NBEA: variants seen among roughly 807,000 people sequenced by gnomAD.
The protein encoded by NBEA is lysosomal-trafficking regulator 2.
In NBEA, 44 loss-of-function variants were observed where a neutral mutation model predicts 343.4. The observed-to-expected ratio is 0.13, with a 90% confidence interval of 0.10 to 0.16. NBEA has a LOEUF of 0.16. NBEA is among the 10% of genes least tolerant of loss of function. The probability of loss-of-function intolerance (pLI) is 1.00; values close to 1 mark genes in which losing one functional copy is unlikely to be tolerated. For missense variants in NBEA, 2,555 were observed against 3,631.3 expected (o/e 0.70, Z 7.62); for synonymous variants, 1,175 against 1,238.7 (o/e 0.95, Z 1.08).
At chr13:35,312,825 T>A (rs2037459328) in intron 36 of NBEA, among the ~76,000 whole-genome samples, 1 of 152,200 alleles carries the variant, frequency 6.6e-6, no homozygotes, top group Non-Finnish European at 1.5e-5. Flanking sequence ...ATAAGTATAA[T>A]TCACTTGGCT....
intron 2 of NBEA, among the ~76,000 whole-genome samples, chr13:35,041,843 T>C (rs1245618448): frequency 6.6e-6 from 1 of 151,974 alleles, no homozygotes. Flanking sequence ...TTCAGAAAAG[T>C]GTTTTGAATA....
At chr13:35,124,037 C>A (rs955109439) in intron 17 of NBEA, among the ~76,000 whole-genome samples, 9 of 152,188 alleles carry the variant, frequency 5.9e-5, no homozygotes, top group African/African-American at 1.7e-4. Context: ...TAGAATACCT[C>A]ATTTCTTTCC....
At chr13:35,163,262 G>A (rs2069710316) in intron 23 of NBEA, among the ~76,000 whole-genome samples, 1 of 152,090 alleles carries the variant, frequency 6.6e-6, no homozygotes, top group African/African-American at 2.4e-5. Context: ...GATACACAGT[G>A]ATAGATAATA....
chr13:35,620,326 A>G (rs1337684924), intron 48 of NBEA, among the ~76,000 whole-genome samples: 1 of 152,084 alleles, frequency 6.6e-6, no homozygotes, highest in Non-Finnish European at 1.5e-5. Flanking sequence ...CAGCCTCCCT[A>G]TGAAGGGAGA....
At position 35,045,326 on chromosome 13, in the gene NBEA, A is replaced by T; in HGVS notation, c.648A>T (p.Leu216Phe). The T allele has an allele frequency of 1.9e-6, 3 of 1,609,888 alleles. No individual in the cohort carries two copies. The highest frequency in any genetic ancestry group is 2.7e-5 in the African/African-American group (2 of 74,822). The change falls in exon 4 of 59, where the codon TTA becomes TTT. Residue 216 changes from leucine (L) to phenylalanine (F), a missense_variant. Physicochemically the swap from Leu to Phe is conservative, Grantham distance 22. Transcript: ENST00000379939. ...SGIWPRHAVK[L>F]LSVLNQMPQR... ...CCCAGCCAAGACATGCAGTAAAATT[A>T]TTATCAGTTCTTAATCAGATGCCAC... is the stretch of plus-strand genomic sequence containing the variant.
intron 33 of NBEA, among the ~76,000 whole-genome samples, chr13:35,227,705 T>C (rs2074732770): frequency 6.6e-6 from 1 of 152,032 alleles, no homozygotes; most frequent in African/African-American, 2.4e-5. Flanking sequence ...TTTATTATAT[T>C]TGTGACATTG....
At chr13:35,309,454 C>A in intron 35 of NBEA, 74 bp from the exon 36 acceptor site, 1 of 767,746 alleles carries the variant, frequency 1.3e-6, no homozygotes, top group Non-Finnish European at 2.2e-6. Context: ...ACAATATCAA[C>A]ATGATCCTTA....
At chr13:35,236,100 A>G (rs567842066) in intron 34 of NBEA, among the ~76,000 whole-genome samples, 4 of 152,308 alleles carry the variant, frequency 2.6e-5, no homozygotes, top group African/African-American at 4.8e-5. Flanking sequence ...ATGACAGCAA[A>G]TGGTAGATTT....
At chr13:35,282,310 C>G (rs1304370938) in intron 34 of NBEA, among the ~76,000 whole-genome samples, 4 of 152,082 alleles carry the variant, frequency 2.6e-5, no homozygotes, top group African/African-American at 9.7e-5. Flanking sequence ...GGTATATGTT[C>G]TCTTTTGATT....
chr13:35,001,883 A>G (rs2061153875), intron 1 of NBEA, among the ~76,000 whole-genome samples: 1 of 152,192 alleles, frequency 6.6e-6, no homozygotes, highest in Non-Finnish European at 1.5e-5. Flanking sequence ...TGATTTCATC[A>G]TTATACATTG....
chr13:35,379,189 A>C (rs888817900), intron 38 of NBEA, among the ~76,000 whole-genome samples: 1 of 152,054 alleles, frequency 6.6e-6, no homozygotes, highest in Non-Finnish European at 1.5e-5. Flanking sequence ...CAGTTTTCCA[A>C]AGTATTCAGT....
intron 36 of NBEA, among the ~76,000 whole-genome samples, chr13:35,320,762 G>A (rs2265201): frequency 0.21 from 31,426 of 151,880 alleles, 3,659 homozygotes; most frequent in African/African-American, 0.31. Flanking sequence ...CTTTTCACAT[G>A]GTCCCACATT....
intron 34 of NBEA, among the ~76,000 whole-genome samples, chr13:35,260,470 G>A (rs1003184795): frequency 6.6e-6 from 1 of 152,126 alleles, no homozygotes; most frequent in Non-Finnish European, 1.5e-5. Flanking sequence ...TAATTGAGTT[G>A]GGCTCTTTAA....
chr13:35,470,041 C>G (rs1430329814), intron 40 of NBEA, among the ~76,000 whole-genome samples: 2 of 152,258 alleles, frequency 1.3e-5, no homozygotes, highest in Non-Finnish European at 2.9e-5. Flanking sequence ...CTGAAGACTA[C>G]AACAAAAAGA....
At chr13:35,373,825 G>A (rs952715991) in intron 38 of NBEA, among the ~76,000 whole-genome samples, 1 of 152,002 alleles carries the variant, frequency 6.6e-6, no homozygotes, top group Non-Finnish European at 1.5e-5. Context: ...ATGTTGAGTA[G>A]GCTGAGGAGG....
At chr13:35,563,612 A>G (rs751323177) in intron 44 of NBEA, among the ~76,000 whole-genome samples, 1 of 151,818 alleles carries the variant, frequency 6.6e-6, no homozygotes, top group Non-Finnish European at 1.5e-5. Flanking sequence ...TTAATGTCAT[A>G]TTTATTTATA....
intron 13 of NBEA, among the ~76,000 whole-genome samples, chr13:35,113,443 A>G (rs1335050620): frequency 6.6e-6 from 1 of 152,204 alleles, no homozygotes; most frequent in Non-Finnish European, 1.5e-5. Flanking sequence ...CTGTTCTTCA[A>G]CAAAGTTTCA....
At chr13:34,949,308 A>G (rs1308130425) in intron 1 of NBEA, among the ~76,000 whole-genome samples, 1 of 152,190 alleles carries the variant, frequency 6.6e-6, no homozygotes. Context: ...AGCTGACAAG[A>G]TCCTGACAGG....
rs898115958 is a variant in NBEA at position 35,453,705 on chromosome 13, ATAAT to A, written c.6448+1477_6448+1480del. Among the ~76,000 whole-genome samples the A allele has an allele frequency of 5.9e-5, 9 of 152,202 alleles. No individual in the cohort carries two copies. In the East Asian group the frequency reaches 9.6e-4, roughly 16 times the overall value. The stretch of plus-strand genomic sequence containing the variant: ...CCCTGGTCCTTTGTTCCTACTGAAG[ATAAT>A]TAATTAGTTAGTATAGATTTGCATA... On this transcript the variant is annotated intron_variant, in intron 40 of 58. Coordinates refer to ENST00000379939, the MANE Select transcript of NBEA (RefSeq NM_001385012.1).
Sources: gnomAD v4.1 joint callset for allele counts (sites outside exome capture counted in the v4.1 genomes callset) on GRCh38, gnomAD v4.1.1 for gene constraint, MANE v1.5 for transcripts, NCBI Gene and HGNC (gene_info 2026-07-23, HGNC 2026-07-21) for gene names.